The following RABEPK variants were observed in gnomAD, a reference collection of about 807,000 sequenced individuals.
RABEPK encodes 40 kDa Rab9 effector protein.
A neutral mutation model predicts 34.1 loss-of-function variants in RABEPK; 27 were observed. The ratio of observed to expected loss-of-function variants is 0.79; its 90% CI spans 0.58 to 1.09. The LOEUF is 1.09. Ranked by LOEUF, RABEPK falls within the 50% of genes least tolerant of loss-of-function variation. The pLI, the probability that RABEPK is intolerant of heterozygous loss-of-function variation, is 0.00. For missense variants in RABEPK, 449 were observed against 462.6 expected, an observed-to-expected ratio of 0.97 and a Z score of 0.27; for synonymous variants, 172 against 169.2, an observed-to-expected ratio of 1.02 and a Z score of -0.13.
At chr9:125,226,035 A>G (rs1004915596) in intron 5 of RABEPK, among the ~76,000 whole-genome samples, 1 of 151,740 alleles carries the variant, frequency 6.6e-6, no homozygotes, top group Admixed American at 6.6e-5. Context: ...TTGTAATCCC[A>G]GCTACTCAGG....
Position 125,209,095 on chromosome 9 carries a change from TTGCCCA to T in RABEPK, c.211+1375_211+1380del, listed in dbSNP as rs1468330011. ...TTTTTTGAGACCAAGTCTTGCTCTG[TTGCCCA>T]GGCTGGAGTGCAGTGGTGCTGCAAA... On this transcript the variant is annotated intron_variant, in intron 3 of 7. Transcript: ENST00000373538. Among the ~76,000 whole-genome samples the T allele has an allele frequency of 2.7e-5, 4 of 150,550 alleles. No individual in the cohort carries two copies. The East Asian group carries it at 7.8e-4, about 29-fold the overall frequency.
intron 5 of RABEPK, among the ~76,000 whole-genome samples, chr9:125,222,799 A>G (rs1831444625): frequency 1.3e-5 from 2 of 151,658 alleles, no homozygotes; most frequent in South Asian, 2.1e-4. Flanking sequence ...GCATTGTTCC[A>G]TGCAATCAGA....
intron 3 of RABEPK, among the ~76,000 whole-genome samples, chr9:125,208,781 C>A (rs1468862190): frequency 1.3e-5 from 2 of 151,936 alleles, no homozygotes; most frequent in Admixed American, 1.3e-4. Flanking sequence ...ATGATTCACC[C>A]TTCTTGGCCT....
intron 4 of RABEPK, among the ~76,000 whole-genome samples, chr9:125,217,207 T>C (rs149605783): frequency 6.6e-6 from 1 of 152,224 alleles, no homozygotes; most frequent in Admixed American, 6.6e-5. Flanking sequence ...GTCAAGGATT[T>C]AAATAAACTC....
intron 2 of RABEPK, among the ~76,000 whole-genome samples, chr9:125,206,587 G>A (rs929409288): frequency 4.6e-5 from 7 of 152,150 alleles, no homozygotes; most frequent in African/African-American, 1.7e-4. Context: ...ATCAGATTGA[G>A]CTTTGGGGGT....
intron 4 of RABEPK, among the ~76,000 whole-genome samples, chr9:125,218,413 T>C (rs909810827): frequency 1.3e-5 from 2 of 149,526 alleles, no homozygotes; most frequent in African/African-American, 4.9e-5. Context: ...AGGATTTAAA[T>C]GTGCAGAGCT....
At chr9:125,218,147 T>TAAAAAAAAAA (rs5900646) in intron 4 of RABEPK, among the ~76,000 whole-genome samples, 1 of 142,290 alleles carries the variant, frequency 7.0e-6, no homozygotes. Flanking sequence ...CCGTCTCTAC[T>TAAAAAAAAAA]AAAAAAAAAA....
At chr9:125,211,668 C>G (rs1235147800) in intron 3 of RABEPK, among the ~76,000 whole-genome samples, 3 of 152,056 alleles carry the variant, frequency 2.0e-5, no homozygotes, top group Non-Finnish European at 4.4e-5. Flanking sequence ...TGAATTTCTA[C>G]TCCCTGCACT....
At chr9:125,203,618 G>C (rs986394569) in intron 2 of RABEPK, among the ~76,000 whole-genome samples, 1 of 152,190 alleles carries the variant, frequency 6.6e-6, no homozygotes, top group Non-Finnish European at 1.5e-5. Context: ...ACAGGACCTT[G>C]AAGGAGAGAC....
chr9:125,208,586 A>C (rs1253449954), intron 3 of RABEPK, among the ~76,000 whole-genome samples: 1 of 151,476 alleles, frequency 6.6e-6, no homozygotes, highest in Admixed American at 6.6e-5. Flanking sequence ...CCAAGGCTGG[A>C]GTGCAGTGGC....
intron 4 of RABEPK, 164 bp from the exon 5 acceptor site, chr9:125,220,375 A>G: frequency 6.8e-7 from 1 of 1,464,336 alleles, no homozygotes; most frequent in Non-Finnish European, 9.0e-7. Context: ...CCTAAGTATC[A>G]TCTTCATTCT....
At chr9:125,207,818 GT>G in intron 3 of RABEPK, 97 bp downstream of exon 3, 1 of 1,454,406 alleles carries the variant, frequency 6.9e-7, no homozygotes. Context: ...CACCAGCAGG[GT>G]TTTCCTATAA....
chr9:125,207,175 G>A (rs1337295537), intron 2 of RABEPK, among the ~76,000 whole-genome samples: 1 of 151,854 alleles, frequency 6.6e-6, no homozygotes, highest in Non-Finnish European at 1.5e-5. Flanking sequence ...CTTCCAAAAG[G>A]TCACACATCT....
chr9:125,226,325 C>G (rs1831743405), intron 5 of RABEPK, among the ~76,000 whole-genome samples: 1 of 148,694 alleles, frequency 6.7e-6, no homozygotes, highest in Admixed American at 6.7e-5. Context: ...CCCCGACCCC[C>G]TGCAAAAAAA....
intron 3 of RABEPK, among the ~76,000 whole-genome samples, chr9:125,208,304 A>T (rs748481699): frequency 1.4e-4 from 22 of 152,224 alleles, no homozygotes; most frequent in Non-Finnish European, 2.8e-4. Flanking sequence ...TACATTGATG[A>T]CTACCACCAC....
chr9:125,218,250 G>C (rs902181425), intron 4 of RABEPK, among the ~76,000 whole-genome samples: 15 of 148,838 alleles, frequency 1.0e-4, no homozygotes, highest in Admixed American at 9.5e-4. Flanking sequence ...AACCCGGGAG[G>C]CGGAGCTTGC....
chr9:125,221,593 A>G (rs1831336893), intron 5 of RABEPK: 1 of 152,066 alleles, frequency 6.6e-6, no homozygotes, highest in Non-Finnish European at 1.5e-5. Context: ...AATAAGAAAG[A>G]CAAAAAACAA....
rs1257319226 is a variant in RABEPK at position 125,203,805 on chromosome 9, G to A, written c.53+739G>A. On this transcript the variant is annotated intron_variant, in intron 2 of 7. Transcript: ENST00000373538. ...CCCAGCACTTTGGGAGGCCAAGGCG[G>A]GTGGATCTCCTGAGGTCAGGAGTTT... Among the ~76,000 whole-genome samples the A allele has an allele frequency of 3.3e-5, 5 of 151,966 alleles. No individual in the cohort carries two copies. The South Asian group carries it at 8.3e-4, about 25-fold the overall frequency.
rs1588312560 is a variant in RABEPK at position 125,200,773 on chromosome 9, C to G, written c.-140C>G. The stretch of plus-strand genomic sequence containing the variant: ...GTTCTTTCCCGACCCCGTCTCCTAT[C>G]CCCTAGAACTGCCACGTGGGGATGA... On this transcript the variant is annotated 5_prime_UTR_variant, in exon 1 of 8. The change creates a new upstream start codon in the 5' untranslated region. Coordinates refer to ENST00000373538, the MANE Select transcript of RABEPK (RefSeq NM_005833.4). The G allele has an allele frequency of 6.4e-6, 3 of 471,114 alleles. No homozygotes were observed. Among genetic ancestry groups the G allele is most frequent in the Non-Finnish European group, 1.3e-5 (3 of 227,078 alleles). 29.2% of individuals were successfully genotyped at this position (471,114 alleles called of 1,614,324 possible). A position where few individuals can be genotyped will look rare whatever the true frequency, so the allele number is the denominator to read the frequency against.
Sources: allele counts gnomAD v4.1 joint callset (sites outside exome capture counted in the v4.1 genomes callset), GRCh38; gene constraint gnomAD v4.1.1; transcripts MANE v1.5; gene names NCBI Gene and HGNC (gene_info 2026-07-23, HGNC 2026-07-21).